Variants in ERBB4 observed in about 807,000 individuals in gnomAD.
ERBB4 encodes the protein erb-b2 receptor tyrosine kinase 4, also known as receptor tyrosine-protein kinase erbB-4.
ERBB4 carries 42 observed loss-of-function variants against 158.0 expected under a neutral mutation model. The observed-to-expected ratio is 0.27, with a 90% CI of 0.21 to 0.34. The LOEUF is 0.34. Ranked by LOEUF, ERBB4 falls within the 10% of genes least tolerant of loss-of-function variation. The pLI, the probability that ERBB4 is intolerant of heterozygous loss-of-function variation, is 1.00. For missense variants in ERBB4, 1,333 were observed against 1,624.1 expected (o/e 0.82, Z 3.08); for synonymous variants, 583 against 558.7 (o/e 1.04, Z -0.61).
chr2:211,540,205 T>TATATATATATATATATATAC (rs60602351), intron 20 of ERBB4, among the ~76,000 whole-genome samples: 20 of 147,836 alleles, frequency 1.4e-4, no homozygotes, highest in East Asian at 8.1e-4. Flanking sequence ...TATATATATA[T>TATATATATATATATATATAC]ACACACACAC....
chr2:212,309,633 T>G (rs1171969742), intron 1 of ERBB4, among the ~76,000 whole-genome samples: 1 of 150,760 alleles, frequency 6.6e-6, no homozygotes, highest in African/African-American at 2.4e-5. Flanking sequence ...TTTAAGATGA[T>G]GTAACTAATT....
At chr2:211,840,286 C>T in intron 3 of ERBB4, among the ~76,000 whole-genome samples, 1 of 151,968 alleles carries the variant, frequency 6.6e-6, no homozygotes, top group East Asian at 1.9e-4. Context: ...CGTGACTTTG[C>T]TCCTCCTTTG....
At chr2:212,078,277 C>G (rs995518407) in intron 2 of ERBB4, among the ~76,000 whole-genome samples, 2 of 151,718 alleles carry the variant, frequency 1.3e-5, no homozygotes, top group Non-Finnish European at 2.9e-5. Flanking sequence ...GTTTAAGAAA[C>G]TTTTTTTGGG....
chr2:211,658,968 G>A (rs1443426761), intron 15 of ERBB4, among the ~76,000 whole-genome samples: 2 of 151,954 alleles, frequency 1.3e-5, no homozygotes, highest in Non-Finnish European at 2.9e-5. Flanking sequence ...TTATAGTTAG[G>A]ATTTATAGAA....
intron 20 of ERBB4, among the ~76,000 whole-genome samples, chr2:211,454,168 T>C (rs764159818): frequency 6.4e-4 from 97 of 152,224 alleles, no homozygotes; most frequent in Admixed American, 3.1e-3. Context: ...AACATTAGAA[T>C]AAGTCAAGCC....
intron 15 of ERBB4, among the ~76,000 whole-genome samples, chr2:211,665,013 C>T (rs541815037): frequency 1.3e-4 from 20 of 152,302 alleles, no homozygotes; most frequent in African/African-American, 4.3e-4. Flanking sequence ...CCTATCTTTT[C>T]TGAGATCTTG....
chr2:211,961,604 A>C (rs1216003264), intron 2 of ERBB4, among the ~76,000 whole-genome samples: 1 of 152,174 alleles, frequency 6.6e-6, no homozygotes, highest in Admixed American at 6.6e-5. Flanking sequence ...CAACAACAAG[A>C]TATTACGTGC....
At chr2:211,895,842 A>G (rs2079084410) in intron 3 of ERBB4, among the ~76,000 whole-genome samples, 1 of 152,140 alleles carries the variant, frequency 6.6e-6, no homozygotes, top group Non-Finnish European at 1.5e-5. Context: ...CACAAATGAC[A>G]TTGACATTGC....
At chr2:211,858,157 G>A (rs984776) in intron 3 of ERBB4, among the ~76,000 whole-genome samples, 32,116 of 151,918 alleles carry the variant, frequency 0.21, 3,507 homozygotes, top group South Asian at 0.32. Flanking sequence ...TGTGGAAGAG[G>A]TGAAGAAAGA....
At chr2:211,590,561 A>AC (rs1425195180) in intron 19 of ERBB4, among the ~76,000 whole-genome samples, 1 of 150,546 alleles carries the variant, frequency 6.6e-6, no homozygotes, top group Non-Finnish European at 1.5e-5. Flanking sequence ...GAAGACAGGG[A>AC]CCCCCCTCCC....
At chr2:212,300,508 T>C (rs2086580106) in intron 1 of ERBB4, among the ~76,000 whole-genome samples, 1 of 151,570 alleles carries the variant, frequency 6.6e-6, no homozygotes, top group Non-Finnish European at 1.5e-5. Context: ...GAGACTGTCC[T>C]TAACTTTGAT....
At chr2:211,776,346 C>T (rs912605826) in intron 4 of ERBB4, among the ~76,000 whole-genome samples, 3 of 152,144 alleles carry the variant, frequency 2.0e-5, no homozygotes, top group Non-Finnish European at 4.4e-5. Flanking sequence ...ATTAGTAAAG[C>T]TCAGTCAAGC....
intron 25 of ERBB4, among the ~76,000 whole-genome samples, chr2:211,410,016 C>T (rs1250209823): frequency 1.3e-5 from 2 of 152,046 alleles, no homozygotes; most frequent in Non-Finnish European, 2.9e-5. Context: ...ATACTAAGGC[C>T]AAGGACAAAC....
chr2:212,300,866 T>C (rs1212830318), intron 1 of ERBB4, among the ~76,000 whole-genome samples: 3 of 151,484 alleles, frequency 2.0e-5, no homozygotes, highest in East Asian at 3.9e-4. Flanking sequence ...ATTATAAAGA[T>C]AAATTTTAGA....
chr2:211,735,476 T>C (rs553471059), intron 5 of ERBB4, among the ~76,000 whole-genome samples: 1 of 152,312 alleles, frequency 6.6e-6, no homozygotes, highest in South Asian at 2.1e-4. Context: ...GAGAGGAAGA[T>C]AGTTTTGGAA....
chr2:212,366,842 C>A (rs1161835200), intron 1 of ERBB4, among the ~76,000 whole-genome samples: 1 of 151,892 alleles, frequency 6.6e-6, no homozygotes, highest in Non-Finnish European at 1.5e-5. Context: ...AATATTATTA[C>A]ATTTTTAAAT....
intron 1 of ERBB4, among the ~76,000 whole-genome samples, chr2:212,145,492 T>A (rs1366227936): frequency 6.6e-6 from 1 of 152,110 alleles, no homozygotes; most frequent in Non-Finnish European, 1.5e-5. Context: ...CCAGAAAAGC[T>A]AAAGAGAAAG....
chr2:211,689,373 T>A (rs1316824021), intron 12 of ERBB4, among the ~76,000 whole-genome samples: 7 of 152,132 alleles, frequency 4.6e-5, no homozygotes, highest in African/African-American at 1.7e-4. Flanking sequence ...TTTTTGTTGT[T>A]GTTTTTGTAG....
At chr2:212,109,942 G>T (rs1199206775) in intron 2 of ERBB4, among the ~76,000 whole-genome samples, 1 of 152,056 alleles carries the variant, frequency 6.6e-6, no homozygotes, top group Non-Finnish European at 1.5e-5. Flanking sequence ...GAGCTCTGAA[G>T]TGAGTCACTT....
Sources: gnomAD v4.1 joint callset for allele counts (sites outside exome capture counted in the v4.1 genomes callset) on GRCh38, gnomAD v4.1.1 for gene constraint, MANE v1.5 for transcripts, NCBI Gene and HGNC (gene_info 2026-07-23, HGNC 2026-07-21) for gene names.